PPARGC1A: variants seen among roughly 807,000 people sequenced by gnomAD.
PPARGC1A encodes PPARG coactivator 1 alpha, also known as peroxisome proliferator-activated receptor gamma coactivator 1-alpha.
Under a neutral mutation model 88.7 loss-of-function variants are expected in PPARGC1A, and 25 were observed. The ratio of observed to expected loss-of-function variants is 0.28; its 90% CI spans 0.21 to 0.39. PPARGC1A has a LOEUF of 0.39. Ranked by LOEUF, PPARGC1A falls within the 10% of genes least tolerant of loss-of-function variation. PPARGC1A has a pLI of 1.00. For missense variants in PPARGC1A, 880 were observed against 968.7 expected, an observed-to-expected ratio of 0.91 and a Z score of 1.22; for synonymous variants, 363 against 355.6, an observed-to-expected ratio of 1.02 and a Z score of -0.24.
the PPARGC1A span, among the ~76,000 whole-genome samples, chr4:24,219,644 G>A: frequency 6.6e-6 from 1 of 152,136 alleles, no homozygotes; most frequent in Non-Finnish European, 1.5e-5. Context: ...GACTCCAGAG[G>A]CCCCTCCTCC....
chr4:23,812,364 T>C (rs1721071625), intron 10 of PPARGC1A, among the ~76,000 whole-genome samples: 1 of 152,032 alleles, frequency 6.6e-6, no homozygotes, highest in African/African-American at 2.4e-5. Context: ...TGAAACGAGA[T>C]AGCAATCCCT....
chr4:24,467,953 C>T, the PPARGC1A span, among the ~76,000 whole-genome samples: 1 of 152,112 alleles, frequency 6.6e-6, no homozygotes, highest in Admixed American at 6.5e-5. Flanking sequence ...TTTTACGTAG[C>T]CTCAGGTTAA....
At chr4:24,277,253 A>AT in the PPARGC1A span, among the ~76,000 whole-genome samples, 1 of 151,964 alleles carries the variant, frequency 6.6e-6, no homozygotes, top group East Asian at 1.9e-4. Flanking sequence ...TAATTTTTGT[A>AT]TTTTTTATAG....
At chr4:23,882,116 A>T (rs1435090296) in intron 2 of PPARGC1A, 1 of 152,218 alleles carries the variant, frequency 6.6e-6, no homozygotes, top group Non-Finnish European at 1.5e-5. Flanking sequence ...GCTGTTGGTA[A>T]GGGCATTGCC....
At chr4:23,808,053 C>T (rs1720169546) in intron 10 of PPARGC1A, among the ~76,000 whole-genome samples, 1 of 151,902 alleles carries the variant, frequency 6.6e-6, no homozygotes, top group African/African-American at 2.4e-5. Context: ...AGATTGAGAC[C>T]AGCCTGGCCA....
intron 2 of PPARGC1A, among the ~76,000 whole-genome samples, chr4:23,839,328 G>A (rs1402607568): frequency 2.0e-5 from 3 of 152,142 alleles, no homozygotes; most frequent in Non-Finnish European, 2.9e-5. Context: ...CAGGAGAAAG[G>A]GGAAAAAGGT....
chr4:24,428,498 A>G, the PPARGC1A span, among the ~76,000 whole-genome samples: 1 of 152,212 alleles, frequency 6.6e-6, no homozygotes, highest in Non-Finnish European at 1.5e-5. Flanking sequence ...GGGTAATATT[A>G]TACCTTACTC....
At chr4:24,381,132 A>T in the PPARGC1A span, among the ~76,000 whole-genome samples, 1 of 152,184 alleles carries the variant, frequency 6.6e-6, no homozygotes, top group Non-Finnish European at 1.5e-5. Flanking sequence ...CAGAGAGGTC[A>T]TGGGAGCTGA....
At chr4:24,387,391 A>G in the PPARGC1A span, among the ~76,000 whole-genome samples, 2 of 152,192 alleles carry the variant, frequency 1.3e-5, no homozygotes, top group African/African-American at 2.4e-5. Context: ...AAATTGACCA[A>G]TGGAATGTAA....
At chr4:23,935,383 T>A in the PPARGC1A span, among the ~76,000 whole-genome samples, 1 of 152,228 alleles carries the variant, frequency 6.6e-6, no homozygotes, top group African/African-American at 2.4e-5. Flanking sequence ...TTGGCTATTT[T>A]CTTGCTGCTT....
the PPARGC1A span, among the ~76,000 whole-genome samples, chr4:23,928,786 A>C: frequency 0.072 from 10,818 of 151,160 alleles, 494 homozygotes; most frequent in East Asian, 0.14. Context: ...AAAACAACAA[A>C]AAAAAAAACC....
At chr4:24,079,659 C>T in the PPARGC1A span, among the ~76,000 whole-genome samples, 9 of 152,060 alleles carry the variant, frequency 5.9e-5, no homozygotes, top group Middle Eastern at 0.01. Context: ...GAGGCCTTCT[C>T]ATCCCATGAT....
the PPARGC1A span, among the ~76,000 whole-genome samples, chr4:24,281,457 G>T: frequency 9.2e-5 from 14 of 152,076 alleles, no homozygotes; most frequent in African/African-American, 2.7e-4. Context: ...CAGGCTCTTT[G>T]TGACGACCAG....
intron 2 of PPARGC1A, among the ~76,000 whole-genome samples, chr4:23,856,430 C>T (rs961109129): frequency 3.3e-5 from 5 of 152,128 alleles, no homozygotes; most frequent in African/African-American, 7.2e-5. Flanking sequence ...GAGAGAGGCC[C>T]GGGCCATGCT....
chr4:24,305,978 G>A, the PPARGC1A span, among the ~76,000 whole-genome samples: 2 of 152,142 alleles, frequency 1.3e-5, no homozygotes, highest in African/African-American at 2.4e-5. Flanking sequence ...CCACATTAAA[G>A]CAGGGATGTA....
the PPARGC1A span, among the ~76,000 whole-genome samples, chr4:24,047,255 C>T: frequency 6.6e-6 from 1 of 152,166 alleles, no homozygotes; most frequent in Admixed American, 6.5e-5. Context: ...CTTTATCAGA[C>T]TTATCACTGC....
the PPARGC1A span, among the ~76,000 whole-genome samples, chr4:24,307,355 C>T: frequency 6.6e-6 from 1 of 152,180 alleles, no homozygotes; most frequent in East Asian, 1.9e-4. Flanking sequence ...GTAAAATCTA[C>T]ACTGTAATAT....
chr4:24,472,898 G>A, the PPARGC1A span, among the ~76,000 whole-genome samples: 2 of 149,764 alleles, frequency 1.3e-5, no homozygotes, highest in African/African-American at 4.9e-5. The surrounding 1 kb of genome is among the most constrained non-coding windows in gnomAD (Gnocchi z 4.5). Context: ...GAGCGGGCGG[G>A]CGTGTGCGCG....
chr4:24,313,959 T>A, the PPARGC1A span, among the ~76,000 whole-genome samples: 1 of 152,244 alleles, frequency 6.6e-6, no homozygotes, highest in African/African-American at 2.4e-5. Flanking sequence ...ATTAGCTAGA[T>A]GTATATGTAT....
Sources: allele counts gnomAD v4.1 joint callset (sites outside exome capture counted in the v4.1 genomes callset), GRCh38; gene constraint gnomAD v4.1.1; non-coding constraint Gnocchi (gnomAD v3.1); transcripts MANE v1.5; gene names NCBI Gene and HGNC (gene_info 2026-07-23, HGNC 2026-07-21).